Variants in RBFOX1 observed in about 807,000 individuals in gnomAD.
RBFOX1 encodes RNA binding protein fox-1 homolog 1.
In RBFOX1, 8 loss-of-function variants were observed where a neutral mutation model predicts 57.7. That is an observed-to-expected ratio of 0.14 (90% CI 0.08 to 0.25). The LOEUF (loss-of-function observed/expected upper bound fraction) is 0.25. Ranked by LOEUF, RBFOX1 falls within the 10% of genes least tolerant of loss-of-function variation. The pLI is 1.00. For missense variants in RBFOX1, 611 were observed against 548.5 expected, an observed-to-expected ratio of 1.11 and a Z score of -1.14; for synonymous variants, 326 against 222.4, an observed-to-expected ratio of 1.47 and a Z score of -4.15.
At chr16:5,973,470 T>C (rs2060001899) in intron 4 of RBFOX1, among the ~76,000 whole-genome samples, 1 of 152,156 alleles carries the variant, frequency 6.6e-6, no homozygotes, top group Non-Finnish European at 1.5e-5. Context: ...AGCAGTAAAA[T>C]GGGGATAATG....
At chr16:6,145,012 A>AT (rs992167726) in intron 1 of RBFOX1, among the ~76,000 whole-genome samples, 1 of 151,584 alleles carries the variant, frequency 6.6e-6, no homozygotes, top group African/African-American at 2.4e-5. Context: ...CCTGCATTTT[A>AT]TTTTTTTTAA....
chr16:5,736,944 C>A (rs910028101), intron 3 of RBFOX1, among the ~76,000 whole-genome samples: 1 of 150,132 alleles, frequency 6.7e-6, no homozygotes, highest in Non-Finnish European at 1.5e-5. Context: ...TCTCTTCCTC[C>A]CTTCTTTCCT....
chr16:5,339,717 G>A (rs2064992812), intron 1 of RBFOX1, among the ~76,000 whole-genome samples: 1 of 151,938 alleles, frequency 6.6e-6, no homozygotes, highest in Admixed American at 6.6e-5. Context: ...GAACTCAGGT[G>A]ATCCACCTGC....
chr16:6,594,836 T>G (rs2097761162), intron 2 of RBFOX1, among the ~76,000 whole-genome samples: 1 of 152,216 alleles, frequency 6.6e-6, no homozygotes, highest in Admixed American at 6.5e-5. Context: ...TCGCCCAGGC[T>G]GGAGTGCAGT....
chr16:5,603,525 T>A (rs1276004588), downstream of RBFOX1, among the ~76,000 whole-genome samples: 1 of 152,178 alleles, frequency 6.6e-6, no homozygotes, highest in Non-Finnish European at 1.5e-5. Context: ...GATGCAAAGT[T>A]AATTCCAGAG....
intron 4 of RBFOX1, among the ~76,000 whole-genome samples, chr16:7,445,461 G>A (rs1230241044): frequency 6.6e-6 from 1 of 152,132 alleles, no homozygotes; most frequent in East Asian, 1.9e-4. Flanking sequence ...ACAAGCTTTT[G>A]AAAGTGGAAG....
intron 3 of RBFOX1, among the ~76,000 whole-genome samples, chr16:6,827,741 A>G (rs1322468938): frequency 6.6e-6 from 1 of 151,852 alleles, no homozygotes; most frequent in Non-Finnish European, 1.5e-5. Flanking sequence ...CCCTACATGG[A>G]TCTCCGGTCA....
intron 4 of RBFOX1, among the ~76,000 whole-genome samples, chr16:7,207,202 C>A (rs2090168448): frequency 6.6e-6 from 1 of 152,202 alleles, no homozygotes; most frequent in Non-Finnish European, 1.5e-5. Context: ...TTTGTGTCTT[C>A]CGTAGCTGCT....
At chr16:6,095,131 G>A (rs540909283) in intron 1 of RBFOX1, among the ~76,000 whole-genome samples, 1 of 152,284 alleles carries the variant, frequency 6.6e-6, no homozygotes, top group East Asian at 1.9e-4. Flanking sequence ...ATAAGTATGG[G>A]CCCATACATA....
intron 4 of RBFOX1, among the ~76,000 whole-genome samples, chr16:7,204,219 C>A (rs554184430): frequency 6.6e-6 from 1 of 152,320 alleles, no homozygotes; most frequent in Non-Finnish European, 1.5e-5. Flanking sequence ...TCTCATCCTA[C>A]CTCTCATCTC....
rs574732208 is a variant in RBFOX1, at chr16:7,246,724, G to T, written c.27+194626G>T. Among the ~76,000 whole-genome samples, 13 of 122,152 alleles carry T rather than the reference G, an allele frequency of 1.1e-4. No homozygotes were observed. The Admixed American group carries it at 1.3e-3, about 12-fold the overall frequency. 80.1% of individuals were successfully genotyped at this position (122,152 alleles called of 152,430 possible). ...AAAACAGAACTCTTGGAGTTTTGTT[G>T]TGCTGACTGCGGTGGTATCAGCACC... On this transcript the variant is annotated intron_variant, in intron 4 of 15. Transcript: ENST00000550418.
chr16:6,726,065 A>G (rs2067099431), intron 3 of RBFOX1, among the ~76,000 whole-genome samples: 2 of 151,820 alleles, frequency 1.3e-5, no homozygotes, highest in Non-Finnish European at 2.9e-5. Context: ...TTCCGTGTTG[A>G]CTCCTACGTG....
At position 5,903,326 on chromosome 16, in the gene RBFOX1, A is replaced by G. The variant is rs895726509; in HGVS notation, c.351+35991A>G. Among the ~76,000 whole-genome samples the G allele has an allele frequency of 3.3e-5, 5 of 152,272 alleles. No homozygotes were observed. The South Asian group carries it at 8.3e-4, about 25-fold the overall frequency. On this transcript the variant is annotated intron_variant, in intron 4 of 19. Transcript: ENST00000641259. ...CCCTCCCTGCTGTGCATGCTCCAGT[A>G]TCAACCTGTCCTCTGAGAAGTCATG...
intron 2 of RBFOX1, among the ~76,000 whole-genome samples, chr16:5,469,084 G>T (rs1394993330): frequency 2.6e-5 from 4 of 152,216 alleles, no homozygotes; most frequent in Non-Finnish European, 2.9e-5. Context: ...TTTCTTGGGA[G>T]GTGGGTACTA....
chr16:6,950,001 C>T lies in RBFOX1; in HGVS notation c.-15-102056C>T, dbSNP rs1002991575. ...TTGCTCTGTTGCCCAGGCTGGAGTG[C>T]AGTGGTGTGTTCTCGGCTCGCTGCA... On this transcript the variant is annotated intron_variant, in intron 3 of 15. Transcript: ENST00000550418. Among the ~76,000 whole-genome samples, 2 of 151,034 alleles carry T rather than the reference C, an allele frequency of 1.3e-5. 1 individual carries two copies. The highest frequency in any genetic ancestry group is 2.9e-5 in the Non-Finnish European group (2 of 67,930).
chr16:7,690,502 A>G (rs1006982731), intron 14 of RBFOX1, among the ~76,000 whole-genome samples: 2 of 152,058 alleles, frequency 1.3e-5, no homozygotes, highest in Non-Finnish European at 2.9e-5. Context: ...TAAGGAACAG[A>G]CCAGTTTGTG....
intron 3 of RBFOX1, among the ~76,000 whole-genome samples, chr16:6,962,065 A>G (rs1478765978): frequency 2.0e-5 from 3 of 152,158 alleles, no homozygotes; most frequent in African/African-American, 7.2e-5. Flanking sequence ...AAGGCCTCTG[A>G]CACTTTCATG....
rs375672835 is a variant in RBFOX1, at chr16:6,463,849, C to T, written c.-64+146792C>T. On this transcript the variant is annotated intron_variant, in intron 2 of 15. Coordinates refer to ENST00000550418, the MANE Select transcript of RBFOX1 (RefSeq NM_018723.4). ...CACTGTTAGAAGGAGGTGAGTTCCT[C>T]ACTGGCTAGACTAGCTCTCGCGCCC... Among the ~76,000 whole-genome samples, 18 of 152,272 alleles carry T rather than the reference C, an allele frequency of 1.2e-4. No homozygotes were observed. The East Asian group carries it at 2.7e-3, about 23-fold the overall frequency.
chr16:6,074,242 C>A (rs2095869876), intron 1 of RBFOX1, among the ~76,000 whole-genome samples: 1 of 152,180 alleles, frequency 6.6e-6, no homozygotes, highest in South Asian at 2.1e-4. Flanking sequence ...GCCACAGCGC[C>A]CGGCCATCAA....
Sources: gnomAD v4.1 joint callset for allele counts (sites outside exome capture counted in the v4.1 genomes callset) on GRCh38, gnomAD v4.1.1 for gene constraint, MANE v1.5 for transcripts, NCBI Gene and HGNC (gene_info 2026-07-23, HGNC 2026-07-21) for gene names.